The following UBE4B variants were observed in gnomAD, a reference collection of about 807,000 sequenced individuals.
UBE4B encodes the protein ubiquitination factor E4B.
UBE4B carries 27 observed loss-of-function variants against 148.1 expected under a neutral mutation model. That is an observed-to-expected ratio of 0.18 (90% CI 0.13 to 0.25). The LOEUF (loss-of-function observed/expected upper bound fraction) is 0.25. Among genes scored for constraint, UBE4B ranks in the 10% least tolerant of loss-of-function variants. The probability of loss-of-function intolerance (pLI) is 1.00; values close to 1 mark genes in which losing one functional copy is unlikely to be tolerated. For missense variants in UBE4B, 1,170 were observed against 1,662.4 expected (o/e 0.70, Z 5.15); for synonymous variants, 596 against 619.3 (o/e 0.96, Z 0.56).
intron 21 of UBE4B, among the ~76,000 whole-genome samples, chr1:10,154,981 A>G (rs921237305): frequency 6.6e-6 from 1 of 152,164 alleles, no homozygotes; most frequent in African/African-American, 2.4e-5. Context: ...TACAGTAAAC[A>G]TGTATTGTTA....
At chr1:10,160,581 T>C (rs976216131) in intron 22 of UBE4B, among the ~76,000 whole-genome samples, 6 of 152,118 alleles carry the variant, frequency 3.9e-5, no homozygotes, top group Non-Finnish European at 7.4e-5. Context: ...ATTTAGCACT[T>C]GACTGTCATC....
intron 9 of UBE4B, among the ~76,000 whole-genome samples, chr1:10,121,421 AT>A (rs948200305): frequency 5.9e-5 from 9 of 152,224 alleles, no homozygotes; most frequent in Non-Finnish European, 1.0e-4. Context: ...TTATTTATTT[AT>A]TTTTAAGAGA....
At chr1:10,061,723 A>G (rs1345512757) in intron 1 of UBE4B, among the ~76,000 whole-genome samples, 1 of 152,124 alleles carries the variant, frequency 6.6e-6, no homozygotes, top group East Asian at 1.9e-4. Flanking sequence ...AACTCTACCC[A>G]GAAATCAAGC....
chr1:10,080,066 A>G (rs1437830375), intron 2 of UBE4B, among the ~76,000 whole-genome samples: 1 of 152,162 alleles, frequency 6.6e-6, no homozygotes, highest in African/African-American at 2.4e-5. Flanking sequence ...TCACTTTCTC[A>G]GGCTCCCGGC....
intron 2 of UBE4B, among the ~76,000 whole-genome samples, chr1:10,087,162 T>C (rs1238624778): frequency 6.6e-6 from 1 of 152,170 alleles, no homozygotes; most frequent in Non-Finnish European, 1.5e-5. Flanking sequence ...CATTGGCTCC[T>C]CAAAGTAGAA....
intron 4 of UBE4B, 110 bp downstream of exon 4, chr1:10,101,305 G>A: frequency 1.0e-6 from 1 of 966,344 alleles, no homozygotes; most frequent in South Asian, 1.6e-5. Context: ...GAAGTCCTAG[G>A]CAGGTGATTA....
chr1:10,061,933 C>T (rs1221777717), intron 1 of UBE4B, among the ~76,000 whole-genome samples: 8 of 144,018 alleles, frequency 5.6e-5, no homozygotes, highest in African/African-American at 2.1e-4. Context: ...TTTTTTGAGA[C>T]GAGGTCTCGC....
chr1:10,170,946 T>C (rs1646330591), intron 24 of UBE4B, 192 bp from the exon 25 acceptor site: 1 of 497,264 alleles, frequency 2.0e-6, no homozygotes, highest in African/African-American at 1.9e-5. Context: ...AGTATTAGAA[T>C]TATCAGATCA....
chr1:10,105,046 C>T (rs1175890563), intron 5 of UBE4B, among the ~76,000 whole-genome samples: 1 of 152,176 alleles, frequency 6.6e-6, no homozygotes, highest in Non-Finnish European at 1.5e-5. Flanking sequence ...ATCTTTTGAA[C>T]CTTGGACTTA....
At chr1:10,072,749 G>T in intron 2 of UBE4B, 1 of 371,532 alleles carries the variant, frequency 2.7e-6, no homozygotes, top group Non-Finnish European at 4.8e-6. Flanking sequence ...ATCCAGGACT[G>T]TCTTTGTTGG....
intron 2 of UBE4B, among the ~76,000 whole-genome samples, chr1:10,090,610 TG>T (rs1305774757): frequency 9.2e-5 from 14 of 152,146 alleles, no homozygotes; most frequent in Non-Finnish European, 1.9e-4. Context: ...AAAAATATGT[TG>T]TAGAGATGAT....
At chr1:10,157,423 G>T (rs1646091482) in intron 21 of UBE4B, among the ~76,000 whole-genome samples, 1 of 152,022 alleles carries the variant, frequency 6.6e-6, no homozygotes, top group East Asian at 1.9e-4. Context: ...GCTGCAGTGA[G>T]CCATTATTCA....
chr1:10,041,415 A>G (rs1278550188), intron 1 of UBE4B, among the ~76,000 whole-genome samples: 1 of 150,144 alleles, frequency 6.7e-6, no homozygotes, highest in African/African-American at 2.5e-5. Flanking sequence ...GCTCACTGCA[A>G]CCTCTGCCTC....
chr1:10,174,851 G>T (rs1270029257), intron 25 of UBE4B, among the ~76,000 whole-genome samples: 1 of 152,148 alleles, frequency 6.6e-6, no homozygotes, highest in South Asian at 2.1e-4. Context: ...GTGGGGCAGG[G>T]GGCGGTAAGT....
At chr1:10,094,494 C>T (rs376684472) in intron 2 of UBE4B, among the ~76,000 whole-genome samples, 6 of 149,432 alleles carry the variant, frequency 4.0e-5, no homozygotes, top group African/African-American at 1.2e-4. Flanking sequence ...AGTGCAATGG[C>T]GCAATCTTGG....
chr1:10,060,314 G>C (rs1289185768), intron 1 of UBE4B, among the ~76,000 whole-genome samples: 2 of 152,154 alleles, frequency 1.3e-5, no homozygotes, highest in African/African-American at 4.8e-5. Flanking sequence ...CCTAGGTATT[G>C]CTCCTGGGCT....
intron 14 of UBE4B, among the ~76,000 whole-genome samples, chr1:10,131,293 A>G (rs904380540): frequency 3.3e-5 from 5 of 152,096 alleles, no homozygotes; most frequent in South Asian, 2.1e-4. Flanking sequence ...CCTGGCCAAC[A>G]TGACGAAACC....
At chr1:10,175,444 G>A (rs1409740653) in intron 25 of UBE4B, among the ~76,000 whole-genome samples, 1 of 151,684 alleles carries the variant, frequency 6.6e-6, no homozygotes, top group Non-Finnish European at 1.5e-5. Flanking sequence ...AAGGTCAGGA[G>A]ATCGAGACCG....
intron 2 of UBE4B, among the ~76,000 whole-genome samples, chr1:10,090,302 T>C (rs1486054111): frequency 2.6e-5 from 4 of 152,102 alleles, no homozygotes; most frequent in South Asian, 2.1e-4. Flanking sequence ...GTATTTTTCA[T>C]AGAGACGGGG....
Sources: gnomAD v4.1 joint callset for allele counts (sites outside exome capture counted in the v4.1 genomes callset) on GRCh38, gnomAD v4.1.1 for gene constraint, MANE v1.5 for transcripts, NCBI Gene and HGNC (gene_info 2026-07-23, HGNC 2026-07-21) for gene names.